Variants in RPN2 observed in about 807,000 individuals in gnomAD.
RPN2 encodes the protein dolichyl-diphosphooligosaccharide--protein glycosyltransferase subunit 2.
A neutral mutation model predicts 71.4 loss-of-function variants in RPN2; 29 were observed. The ratio of observed to expected loss-of-function variants is 0.41; its 90% confidence interval spans 0.30 to 0.55. The LOEUF (loss-of-function observed/expected upper bound fraction) is 0.55. Among genes scored for constraint, RPN2 ranks in the 20% least tolerant of loss-of-function variants. The pLI, the probability that RPN2 is intolerant of heterozygous loss-of-function variation, is 0.35. For synonymous variants in RPN2, 308 were observed against 305.0 expected, an observed-to-expected ratio of 1.01 and a Z score of -0.10; for missense variants, 726 against 774.1, an observed-to-expected ratio of 0.94 and a Z score of 0.74.
At position 37,225,694 on chromosome 20, in the gene RPN2, A is replaced by G. The variant is rs1164581651; in HGVS notation, c.1191A>G (p.Thr397=). The part of the protein sequence containing the change: ...QSIAPKTTRV[T]YPAKAKGTFI... ...CTCTATATGCCTCTTTCAGGGTGAC[A>G]TACCCAGCCAAAGCCAAGGGCACAT... The change falls in exon 11 of 17, where the codon ACA becomes ACG. Residue 397 remains threonine, a synonymous_variant. Transcript: ENST00000237530. The G allele has an allele frequency of 6.2e-7, 1 of 1,612,710 alleles. No individual in the cohort carries two copies. Among genetic ancestry groups the G allele is most frequent in the Non-Finnish European group, 8.5e-7 (1 of 1,178,706 alleles).
chr20:37,182,881 G>A (rs1375816979), intron 1 of RPN2, among the ~76,000 whole-genome samples: 1 of 152,166 alleles, frequency 6.6e-6, no homozygotes, highest in Non-Finnish European at 1.5e-5. Flanking sequence ...AATAAATGAA[G>A]TAGAAATGTA....
At chr20:37,230,526 A>G (rs1350821166) in intron 13 of RPN2, among the ~76,000 whole-genome samples, 2 of 152,232 alleles carry the variant, frequency 1.3e-5, no homozygotes, top group Non-Finnish European at 2.9e-5. Context: ...CAAAGTTGAT[A>G]ACAGATGAGT....
At position 37,223,976 on chromosome 20, in the gene RPN2, G is replaced by A. The variant is rs1179021868; in HGVS notation, c.1184+7G>A. 6.2e-7 allele frequency: 1 copy of A among 1,612,646 alleles called. No individual in the cohort carries two copies. The highest frequency in any genetic ancestry group is 1.7e-5 in the Admixed American group (1 of 60,002). On this transcript the variant is annotated splice_region_variant and intron_variant, in intron 10 of 16. Transcript: ENST00000237530. ...TTGCACCCAAAACTACCCGGTAGGTGAGATGCCACCTGATCACTCAGGGAG... is the reference window on the plus strand; with the variant it reads ...TTGCACCCAAAACTACCCGGTAGGTAAGATGCCACCTGATCACTCAGGGAG...
intron 2 of RPN2, among the ~76,000 whole-genome samples, chr20:37,195,685 A>G (rs1255486832): frequency 6.6e-6 from 1 of 152,186 alleles, no homozygotes; most frequent in Non-Finnish European, 1.5e-5. Flanking sequence ...AGAGGTAGTC[A>G]TTGTTTTGGG....
chr20:37,230,088 C>T lies in RPN2; in HGVS notation c.1581+29C>T, dbSNP rs747076601. On this transcript the variant is annotated intron_variant, in intron 13 of 16. Coordinates refer to ENST00000237530, the MANE Select transcript of RPN2 (RefSeq NM_002951.5). The stretch of plus-strand genomic sequence containing the variant: ...TATCCCAAAGGGCCTATCCACTAAA[C>T]GTGGGAGAAGAGAGGGCAACAAAGC... 7.8e-6 allele frequency: 12 copies of T among 1,548,320 alleles called. No individual in the cohort carries two copies. The Middle Eastern group carries it at 5.0e-4, about 65-fold the overall frequency.
intron 1 of RPN2, among the ~76,000 whole-genome samples, chr20:37,182,696 A>T (rs1217135338): frequency 6.6e-6 from 1 of 152,154 alleles, no homozygotes; most frequent in Non-Finnish European, 1.5e-5. Context: ...CCGCTGGCCA[A>T]TAGTGCCTTT....
chr20:37,218,765 A>C (rs940559020), intron 9 of RPN2, among the ~76,000 whole-genome samples: 2 of 151,964 alleles, frequency 1.3e-5, no homozygotes, highest in African/African-American at 4.8e-5. Flanking sequence ...GAAATCATAC[A>C]ATAGGTTACC....
intron 16 of RPN2, among the ~76,000 whole-genome samples, chr20:37,237,592 G>A (rs990170047): frequency 6.6e-6 from 1 of 152,092 alleles, no homozygotes; most frequent in African/African-American, 2.4e-5. Flanking sequence ...ATCTCCGCCC[G>A]AGTCTCCATT....
Position 37,231,714 on chromosome 20 carries a change from T to TAAAAA in RPN2, c.1582-578_1582-574dup, listed in dbSNP as rs146042631. Among the ~76,000 whole-genome samples the TAAAAA allele has an allele frequency of 2.5e-3, 368 of 145,680 alleles. 2 individuals carry two copies. Among genetic ancestry groups the TAAAAA allele is most frequent in the African/African-American group, 7.5e-3 (289 of 38,758 alleles). ...GTGACACAGTGAGGTCCTGTCTCTT[T>TAAAAA]AAAAAAAAGAAAAAGAAATGAGAGC... is the stretch of plus-strand genomic sequence containing the variant. On this transcript the variant is annotated intron_variant, in intron 13 of 16. Transcript: ENST00000237530.
At chr20:37,220,183 TTGTGTGTGTGTG>T (rs369050797) in intron 9 of RPN2, among the ~76,000 whole-genome samples, 3 of 148,042 alleles carry the variant, frequency 2.0e-5, no homozygotes, top group Non-Finnish European at 4.5e-5. Context: ...GTGTGTGTGT[TTGTGTGTGTGTG>T]TGTGTGTGTG....
At chr20:37,238,700 G>GT in intron 16 of RPN2, 5 of 727,030 alleles carry the variant, frequency 6.9e-6, no homozygotes, top group Non-Finnish European at 1.0e-5. Context: ...GGCTTTGACT[G>GT]TATAAGACTT....
chr20:37,238,358 C>T, intron 16 of RPN2: 1 of 1,512,606 alleles, frequency 6.6e-7, no homozygotes, highest in Non-Finnish European at 9.1e-7. Flanking sequence ...GATTTCTCCC[C>T]TCACTGTCCT....
chr20:37,192,322 T>C (rs1247916849), intron 2 of RPN2, among the ~76,000 whole-genome samples: 1 of 152,228 alleles, frequency 6.6e-6, no homozygotes, highest in African/African-American at 2.4e-5. Flanking sequence ...ATCTGCTGTG[T>C]GCCAGACATT....
At chr20:37,180,431 A>G (rs190111532) in intron 1 of RPN2, among the ~76,000 whole-genome samples, 11 of 152,366 alleles carry the variant, frequency 7.2e-5, no homozygotes, top group African/African-American at 2.6e-4. Context: ...AAAGCACAGC[A>G]TAGCGTGGGC....
chr20:37,201,265 T>C (rs1415074459), intron 4 of RPN2, among the ~76,000 whole-genome samples: 1 of 148,120 alleles, frequency 6.8e-6, no homozygotes, highest in Non-Finnish European at 1.5e-5. Context: ...TTGTTATTTG[T>C]ATGTTAGGTC....
At chr20:37,236,819 A>C (rs961486880) in intron 16 of RPN2, 110 bp downstream of exon 16, 3 of 1,091,952 alleles carry the variant, frequency 2.7e-6, no homozygotes, top group African/African-American at 3.1e-5. Flanking sequence ...CTTAGGGGCA[A>C]GTCTGACACC....
At chr20:37,187,866 C>T (rs964647742) in intron 2 of RPN2, among the ~76,000 whole-genome samples, 1 of 152,158 alleles carries the variant, frequency 6.6e-6, no homozygotes, top group East Asian at 1.9e-4. Flanking sequence ...TGGTCTTGAA[C>T]TCCTGACCTC....
At chr20:37,209,099 A>G (rs570966005) in intron 7 of RPN2, among the ~76,000 whole-genome samples, 1 of 152,324 alleles carries the variant, frequency 6.6e-6, no homozygotes, top group Non-Finnish European at 1.5e-5. Context: ...TTAACTGGCC[A>G]TGTGACCTTT....
chr20:37,224,082 T>G (rs1472735693), intron 10 of RPN2, 113 bp downstream of exon 10: 1 of 843,212 alleles, frequency 1.2e-6, no homozygotes, highest in African/African-American at 1.7e-5. Context: ...CCATCCAGCT[T>G]ACATCCTAAA....
Sources: gnomAD v4.1 joint callset for allele counts (sites outside exome capture counted in the v4.1 genomes callset) on GRCh38, gnomAD v4.1.1 for gene constraint, MANE v1.5 for transcripts, NCBI Gene and HGNC (gene_info 2026-07-23, HGNC 2026-07-21) for gene names.